The following DYM variants were observed in gnomAD, a reference collection of about 807,000 sequenced individuals.
DYM encodes the protein dyggve-Melchior-Clausen syndrome protein.
In DYM, 78 loss-of-function variants were observed where a neutral mutation model predicts 93.1. That is an observed-to-expected ratio of 0.84 (90% CI 0.70 to 1.01). The LOEUF is 1.01. Ranked by LOEUF, DYM falls within the 50% of genes least tolerant of loss-of-function variation. The probability of loss-of-function intolerance (pLI) is 0.00; values close to 1 mark genes in which losing one functional copy is unlikely to be tolerated. For missense variants in DYM, 789 were observed against 845.0 expected (o/e 0.93, Z 0.82); for synonymous variants, 321 against 319.7 (o/e 1.00, Z -0.04).
Position 49,292,623 on chromosome 18 carries a change from A to C in DYM, c.764-6007T>G, listed in dbSNP as rs56063220. On this transcript the variant is annotated intron_variant, in intron 8 of 17. Transcript: ENST00000675505. ...AAAAAAAAAAAAAAAAAAAAAAAAAAAACCCCCACAAAAACCTGTCCACCA... is the reference window on the plus strand; with the variant it reads ...AAAAAAAAAAAAAAAAAAAAAAAAACAACCCCCACAAAAACCTGTCCACCA... 2.9e-4 allele frequency among the ~76,000 whole-genome samples: 21 copies of C among 73,050 alleles called. 6 individuals are homozygous for C. Among genetic ancestry groups the C allele is most frequent in the South Asian group, 8.9e-4 (2 of 2,246 alleles). The allele number at this position is 73,050 out of a possible 152,430, so 47.9% of individuals were successfully genotyped here. A position where few individuals can be genotyped will look rare whatever the true frequency, so the allele number is the denominator to read the frequency against.
At chr18:49,386,366 T>C (rs2068623776) in intron 3 of DYM, among the ~76,000 whole-genome samples, 1 of 152,142 alleles carries the variant, frequency 6.6e-6, no homozygotes, top group Non-Finnish European at 1.5e-5. Context: ...CTGAAGAAAC[T>C]TGATAAATAG....
At chr18:49,275,986 A>G (rs1164904673) in intron 10 of DYM, among the ~76,000 whole-genome samples, 3 of 152,172 alleles carry the variant, frequency 2.0e-5, no homozygotes, top group Non-Finnish European at 4.4e-5. Flanking sequence ...CCTTAGGATT[A>G]TCTATATATA....
rs1459624601 is a variant in DYM, at chr18:49,341,495, A to T, written c.495-7642T>A. On this transcript the variant is annotated intron_variant, in intron 6 of 17. Coordinates refer to ENST00000675505, the MANE Select transcript of DYM (RefSeq NM_001353214.3). ...CTACAGAGTGAGACTCCATCGCAAA[A>T]AAAAAAAAAAAAAAAAAAAAAATGA... Among the ~76,000 whole-genome samples the T allele has an allele frequency of 3.8e-5, 5 of 130,374 alleles. No homozygotes were observed. The Admixed American group carries it at 4.0e-4, about 10-fold the overall frequency. 85.5% of individuals were successfully genotyped at this position (130,374 alleles called of 152,430 possible). A position where few individuals can be genotyped will look rare whatever the true frequency, so the allele number is the denominator to read the frequency against.
rs3061685 is a variant in DYM, at chr18:49,289,770, T to TAC, written c.764-3155_764-3154insGT. On this transcript the variant is annotated intron_variant, in intron 8 of 17. Transcript: ENST00000675505. ...ATATATATATATATATATATATATA[T>TAC]ATACACATATATATATATACACACA... 4.2e-4 allele frequency among the ~76,000 whole-genome samples: 18 copies of TAC among 42,686 alleles called. No individual in the cohort carries two copies. The East Asian group carries it at 6.3e-3, about 15-fold the overall frequency. 28.0% of individuals were successfully genotyped at this position (42,686 alleles called of 152,430 possible). A position where few individuals can be genotyped will look rare whatever the true frequency, so the allele number is the denominator to read the frequency against.
intron 5 of DYM, among the ~76,000 whole-genome samples, chr18:49,374,488 A>T (rs1281045692): frequency 1.3e-5 from 2 of 152,242 alleles, no homozygotes; most frequent in Non-Finnish European, 2.9e-5. Flanking sequence ...AGGAAGCAGT[A>T]CCTGTTTTTC....
chr18:49,202,512 G>C (rs200347327), intron 14 of DYM, among the ~76,000 whole-genome samples: 24 of 135,052 alleles, frequency 1.8e-4, no homozygotes, highest in Non-Finnish European at 4.8e-5. Flanking sequence ...AGTGAGGAGC[G>C]TCTCCGCCCG....
chr18:49,389,781 G>A (rs1488987485), intron 3 of DYM, among the ~76,000 whole-genome samples: 5 of 152,082 alleles, frequency 3.3e-5, no homozygotes, highest in Admixed American at 2.6e-4. Flanking sequence ...TCCTGCCTCA[G>A]CCTCCTAAAG....
intron 3 of DYM, among the ~76,000 whole-genome samples, chr18:49,385,129 T>C (rs2068467647): frequency 1.3e-5 from 2 of 151,380 alleles, no homozygotes; most frequent in African/African-American, 4.8e-5. Flanking sequence ...ATCCATAGGT[T>C]AAAATGCCAA....
chr18:49,275,326 T>C (rs1219156398), intron 10 of DYM, among the ~76,000 whole-genome samples: 1 of 152,190 alleles, frequency 6.6e-6, no homozygotes, highest in Non-Finnish European at 1.5e-5. Flanking sequence ...CATTGATGTA[T>C]TATGTCTATC....
intron 17 of DYM, among the ~76,000 whole-genome samples, chr18:49,088,933 A>G (rs1478221517): frequency 1.3e-5 from 2 of 152,190 alleles, no homozygotes. Flanking sequence ...TTGGGACTAC[A>G]GGTGTGCACC....
intron 17 of DYM, among the ~76,000 whole-genome samples, chr18:49,077,117 T>G (rs1352952734): frequency 6.6e-6 from 1 of 152,230 alleles, no homozygotes; most frequent in Non-Finnish European, 1.5e-5. Flanking sequence ...TCCCCTATTT[T>G]TTGCTTCTTG....
At chr18:49,347,551 C>T (rs2064706292) in intron 6 of DYM, among the ~76,000 whole-genome samples, 1 of 152,164 alleles carries the variant, frequency 6.6e-6, no homozygotes, top group Non-Finnish European at 1.5e-5. Flanking sequence ...TATTAACTCG[C>T]TCTGTTAACC....
chr18:49,086,760 G>T (rs1208500632), intron 17 of DYM, among the ~76,000 whole-genome samples: 1 of 152,046 alleles, frequency 6.6e-6, no homozygotes, highest in East Asian at 1.9e-4. Context: ...GGCTAAGGTG[G>T]GTGGATCACC....
chr18:49,103,825 T>C (rs1026017674), intron 16 of DYM, among the ~76,000 whole-genome samples: 5 of 151,956 alleles, frequency 3.3e-5, no homozygotes, highest in Admixed American at 6.5e-5. Flanking sequence ...CCTTGTAGTA[T>C]AGTTTGAAGT....
chr18:49,188,695 G>A (rs4329976), intron 14 of DYM, among the ~76,000 whole-genome samples: 95,352 of 151,242 alleles, frequency 0.63, 31,184 homozygotes, highest in Non-Finnish European at 0.74. Flanking sequence ...GTTGTGGCGT[G>A]GGGGGAAGGG....
intron 6 of DYM, among the ~76,000 whole-genome samples, chr18:49,358,856 TAC>T (rs2147283128): frequency 5.2e-5 from 2 of 38,772 alleles, no homozygotes; most frequent in Non-Finnish European, 1.2e-4. Context: ...CAAAAACAGA[TAC>T]AAAGACAAGG....
chr18:49,286,502 T>C lies in DYM; in HGVS notation c.878A>G (p.Asn293Ser), dbSNP rs771274824. 12 of 1,614,166 alleles carry C rather than the reference T, an allele frequency of 7.4e-6. No homozygotes were observed. Among genetic ancestry groups the C allele is most frequent in the South Asian group, 1.1e-5 (1 of 91,088 alleles). The change falls in exon 9 of 18, where the codon AAT becomes AGT. Residue 293 changes from asparagine to serine, a missense_variant. This residue lies in a region of DYM where 450 missense variants were observed against 436.2 expected (regional missense o/e 1.03). Transcript: ENST00000675505. ...TGGCGCATCTGAGGCATCTGTCAGA[T>C]TGGCCAACACCAGCAGAAGCAGGAG... ...QSLLLLLVLA[N>S]LTDASDAPNP...
chr18:49,208,862 A>G (rs1319543141), intron 14 of DYM: 2 of 152,160 alleles, frequency 1.3e-5, no homozygotes, highest in African/African-American at 2.4e-5. Flanking sequence ...ACAAAGTGGT[A>G]ATGTCATACT....
Position 49,331,963 on chromosome 18 carries a change from A to G in DYM, c.664T>C (p.Phe222Leu). The change falls in exon 8 of 18, where the codon TTT becomes CTT. Residue 222 changes from phenylalanine (F) to leucine (L), a missense_variant. This residue lies in a region of DYM where 450 missense variants were observed against 436.2 expected (regional missense o/e 1.03). Coordinates refer to ENST00000675505, the MANE Select transcript of DYM (RefSeq NM_001353214.3). ...SKLVKTLLYNFIRQEKPPPPG... is the reference protein window; with the variant it reads ...SKLVKTLLYNLIRQEKPPPPG... ...GGAGGTGGCTTTTCTTGTCTGATAAAGTTATATAATAAGGTCTTCACAAGT... is the reference window on the plus strand; with the variant it reads ...GGAGGTGGCTTTTCTTGTCTGATAAGGTTATATAATAAGGTCTTCACAAGT... 1 of 1,614,120 alleles carries G rather than the reference A, an allele frequency of 6.2e-7. No homozygotes were observed. Among genetic ancestry groups the G allele is most frequent in the Non-Finnish European group, 8.5e-7 (1 of 1,179,980 alleles).
Sources: gnomAD v4.1 joint callset for allele counts (sites outside exome capture counted in the v4.1 genomes callset) on GRCh38, gnomAD v4.1.1 for gene constraint, gnomAD v4.1.1 regional missense constraint, MANE v1.5 for transcripts, NCBI Gene and HGNC (gene_info 2026-07-23, HGNC 2026-07-21) for gene names.